The following CTNNA3 variants were observed in gnomAD, a reference collection of about 807,000 sequenced individuals.
CTNNA3 encodes catenin alpha 3.
A neutral mutation model predicts 95.7 loss-of-function variants in CTNNA3; 76 were observed. The observed-to-expected ratio is 0.79, with a 90% CI of 0.66 to 0.96. The LOEUF is 0.96. Among genes scored for constraint, CTNNA3 ranks in the 40% least tolerant of loss-of-function variants. The probability of loss-of-function intolerance (pLI) is 0.00; values close to 1 mark genes in which losing one functional copy is unlikely to be tolerated. For synonymous variants in CTNNA3, 431 were observed against 374.4 expected (o/e 1.15, Z -1.74); for missense variants, 1,191 against 1,089.8 (o/e 1.09, Z -1.31).
At chr10:66,070,024 A>G (rs926648510) in intron 14 of CTNNA3, among the ~76,000 whole-genome samples, 2 of 152,196 alleles carry the variant, frequency 1.3e-5, no homozygotes, top group African/African-American at 4.8e-5. Flanking sequence ...TGCTTGACAC[A>G]TATTGAATGT....
intron 5 of CTNNA3, among the ~76,000 whole-genome samples, chr10:67,497,839 TG>T (rs747162769): frequency 1.5e-5 from 2 of 131,248 alleles, no homozygotes; most frequent in Non-Finnish European, 3.3e-5. Flanking sequence ...GTTGGCCCTT[TG>T]TCAGATGGAT....
rs756873204 is a variant in CTNNA3 at position 65,918,638 on chromosome 10, T to C, written c.*1692A>G. 6 of 152,196 alleles carry C rather than the reference T, an allele frequency of 3.9e-5. No individual in the cohort carries two copies. In the East Asian group the frequency reaches 5.8e-4, roughly 15 times the overall value. 9.4% of individuals were successfully genotyped at this position (152,196 alleles called of 1,614,324 possible). ...AGAATAGTTATTGTAGGCCAGTCTA[T>C]GGTGCAAAACAGGGAGGAGTTTATT... On this transcript the variant is annotated 3_prime_UTR_variant, in exon 18 of 18. Coordinates refer to ENST00000433211, the MANE Select transcript of CTNNA3 (RefSeq NM_013266.4).
rs114003668 is a variant in CTNNA3, at chr10:66,585,603, A to T, written c.1374+36089T>A. Among the ~76,000 whole-genome samples the T allele has an allele frequency of 7.7e-3, 1,164 of 151,878 alleles. 12 individuals are homozygous for T. The highest frequency in any genetic ancestry group is 0.027 in the African/African-American group (1,105 of 41,470). ...AAAGTTTTCATTCATGTCCTGAATT[A>T]AAAAAAATTATGTTGGTTTTCAACT... On this transcript the variant is annotated intron_variant, in intron 10 of 17. Coordinates refer to ENST00000433211, the MANE Select transcript of CTNNA3 (RefSeq NM_013266.4).
chr10:66,439,094 G>A (rs2093358549), intron 11 of CTNNA3, among the ~76,000 whole-genome samples: 1 of 152,072 alleles, frequency 6.6e-6, no homozygotes, highest in Admixed American at 6.6e-5. Context: ...CCCACCTTCT[G>A]CATTGATCTC....
chr10:66,346,234 TATATATATATATAGAGAGAG>T (rs1468281816), intron 12 of CTNNA3, among the ~76,000 whole-genome samples: 2,766 of 45,592 alleles, frequency 0.061, 27 homozygotes, highest in East Asian at 0.13. Context: ...TATATATATA[TATATATATATATAGAGAGAG>T]AGAGAGAGAG....
At chr10:67,253,704 T>G (rs761757346) in intron 5 of CTNNA3, among the ~76,000 whole-genome samples, 4 of 152,142 alleles carry the variant, frequency 2.6e-5, no homozygotes, top group Non-Finnish European at 5.9e-5. Context: ...TTGTAGCTGT[T>G]CCCTGCAGTT....
intron 11 of CTNNA3, among the ~76,000 whole-genome samples, chr10:66,416,509 A>C (rs143068778): frequency 6.6e-6 from 1 of 150,938 alleles, no homozygotes; most frequent in African/African-American, 2.4e-5. Context: ...TACTATAGTT[A>C]AAATTTCTAA....
chr10:66,128,751 A>C (rs1304206313), intron 13 of CTNNA3, among the ~76,000 whole-genome samples: 1 of 152,176 alleles, frequency 6.6e-6, no homozygotes, highest in Non-Finnish European at 1.5e-5. Context: ...ACAACCAAGA[A>C]TACACCCTGA....
At chr10:66,748,777 CA>C (rs147041446) in intron 9 of CTNNA3, among the ~76,000 whole-genome samples, 1,633 of 152,192 alleles carry the variant, frequency 0.011, 40 homozygotes, top group African/African-American at 0.037. Flanking sequence ...CACACACAGA[CA>C]ATATACCCCT....
At chr10:66,000,717 C>T (rs77875678) in intron 15 of CTNNA3, among the ~76,000 whole-genome samples, 165 of 152,184 alleles carry the variant, frequency 1.1e-3, no homozygotes, top group Non-Finnish European at 1.8e-3. Context: ...TTTCTGTTTG[C>T]CAGACACTAT....
At chr10:65,981,583 C>A (rs1326086237) in intron 16 of CTNNA3, among the ~76,000 whole-genome samples, 2 of 151,984 alleles carry the variant, frequency 1.3e-5, no homozygotes, top group African/African-American at 2.4e-5. Context: ...CATCACATTA[C>A]TTGACTTCAA....
chr10:67,145,864 T>C (rs984826386), intron 7 of CTNNA3, among the ~76,000 whole-genome samples: 3 of 152,236 alleles, frequency 2.0e-5, no homozygotes, highest in Non-Finnish European at 4.4e-5. Context: ...CAAATATCTC[T>C]AATATTTATT....
chr10:66,483,565 A>G, intron 11 of CTNNA3, among the ~76,000 whole-genome samples: 1 of 152,178 alleles, frequency 6.6e-6, no homozygotes, highest in African/African-American at 2.4e-5. Flanking sequence ...CTGATAAAAG[A>G]GTAAAATTTT....
intron 7 of CTNNA3, among the ~76,000 whole-genome samples, chr10:66,873,514 T>G (rs944713289): frequency 5.3e-5 from 8 of 152,164 alleles, no homozygotes; most frequent in African/African-American, 1.9e-4. Flanking sequence ...TTGTAAGTCC[T>G]CTTTTGAGAA....
chr10:67,414,281 A>T (rs980976854), intron 5 of CTNNA3, among the ~76,000 whole-genome samples: 1 of 152,100 alleles, frequency 6.6e-6, no homozygotes. Context: ...AATACAAAAG[A>T]ACCTCAGAGA....
intron 14 of CTNNA3, among the ~76,000 whole-genome samples, chr10:66,076,799 T>A (rs1315682866): frequency 2.6e-5 from 4 of 151,714 alleles, no homozygotes; most frequent in African/African-American, 9.7e-5. Context: ...TTTGAAAAAA[T>A]TATGCCATTT....
chr10:66,214,767 G>A (rs2088405735), intron 13 of CTNNA3, among the ~76,000 whole-genome samples: 1 of 152,094 alleles, frequency 6.6e-6, no homozygotes, highest in Non-Finnish European at 1.5e-5. Flanking sequence ...TAGAGGAACT[G>A]AGCAGCTTCC....
intron 2 of CTNNA3, among the ~76,000 whole-genome samples, chr10:67,643,338 A>T (rs1346948323): frequency 6.6e-6 from 1 of 152,006 alleles, no homozygotes; most frequent in Non-Finnish European, 1.5e-5. Flanking sequence ...GAGGGAGAGC[A>T]TCAGGAAGAA....
At chr10:67,276,370 A>G (rs1253320345) in intron 5 of CTNNA3, among the ~76,000 whole-genome samples, 1 of 152,126 alleles carries the variant, frequency 6.6e-6, no homozygotes, top group African/African-American at 2.4e-5. Flanking sequence ...AGTTTAATAT[A>G]CTTATTGCTG....
Sources: gnomAD v4.1 joint callset for allele counts (sites outside exome capture counted in the v4.1 genomes callset) on GRCh38, gnomAD v4.1.1 for gene constraint, MANE v1.5 for transcripts, NCBI Gene and HGNC (gene_info 2026-07-23, HGNC 2026-07-21) for gene names.